SHANK2: variants seen among roughly 807,000 people sequenced by gnomAD.
SHANK2 encodes SH3 and multiple ankyrin repeat domains protein 2.
In SHANK2, 43 loss-of-function variants were observed where a neutral mutation model predicts 133.7. The observed-to-expected ratio is 0.32, with a 90% CI of 0.25 to 0.41. The LOEUF (loss-of-function observed/expected upper bound fraction) is 0.41, where lower values mean the gene tolerates loss of function less well. Ranked by LOEUF, SHANK2 falls within the 10% of genes least tolerant of loss-of-function variation. SHANK2 has a pLI of 1.00. For missense variants in SHANK2, 1,994 were observed against 2,235.8 expected, an observed-to-expected ratio of 0.89 and a Z score of 2.18; for synonymous variants, 1,017 against 952.8, an observed-to-expected ratio of 1.07 and a Z score of -1.24.
At chr11:70,954,408 C>T (rs906168697) in intron 10 of SHANK2, among the ~76,000 whole-genome samples, 1 of 152,226 alleles carries the variant, frequency 6.6e-6, no homozygotes, top group African/African-American at 2.4e-5. Flanking sequence ...CAGCCACTGG[C>T]AGAGTGCTCT....
intron 17 of SHANK2, among the ~76,000 whole-genome samples, chr11:70,572,022 C>T (rs547158821): frequency 2.0e-5 from 3 of 152,190 alleles, no homozygotes; most frequent in South Asian, 2.1e-4. Context: ...CCAGAGAGCT[C>T]GCTTCCACTT....
At chr11:70,631,844 A>T (rs1241584066) in intron 17 of SHANK2, 1 of 152,246 alleles carries the variant, frequency 6.6e-6, no homozygotes, top group African/African-American at 2.4e-5. Flanking sequence ...CTGCTGTGTA[A>T]TTGGATCACG....
rs1488303280 is a variant in SHANK2 at position 71,109,921 on chromosome 11, C to G, written c.592+20G>C. Reference sequence around the variant, plus strand: ...ACGCTTCCGTAAAGCCTGGTAAGGTCCCCTCTAGCAAGTGCTCACCTCCGG... The same window carrying G: ...ACGCTTCCGTAAAGCCTGGTAAGGTGCCCTCTAGCAAGTGCTCACCTCCGG... On this transcript the variant is annotated intron_variant, in intron 6 of 25. Transcript: ENST00000601538. 2 of 1,474,860 alleles carry G rather than the reference C, an allele frequency of 1.4e-6. No individual in the cohort carries two copies. Among genetic ancestry groups the G allele is most frequent in the Non-Finnish European group, 1.9e-6 (2 of 1,076,948 alleles). 91.4% of individuals were successfully genotyped at this position (1,474,860 alleles called of 1,614,324 possible). A position where few individuals can be genotyped will look rare whatever the true frequency, so the allele number is the denominator to read the frequency against.
chr11:70,755,779 C>T (rs564922371), intron 14 of SHANK2, among the ~76,000 whole-genome samples: 6 of 152,344 alleles, frequency 3.9e-5, no homozygotes, highest in African/African-American at 1.4e-4. Flanking sequence ...GGGAAGACAC[C>T]GCGCCAGCAG....
chr11:71,243,014 G>A (rs75941887), intron 1 of SHANK2, among the ~76,000 whole-genome samples: 3,606 of 152,310 alleles, frequency 0.024, 63 homozygotes, highest in Non-Finnish European at 0.035. Context: ...ACTTTGAAAC[G>A]AGTGAAAAAG....
chr11:70,469,560 C>A lies in SHANK2; in HGVS notation c.*3309G>T, dbSNP rs1591468080. ...TTATAAAGTCTAAAAAGAATAAAAG[C>A]ACAAAAGTAACAGCAACATAGATAA... On this transcript the variant is annotated 3_prime_UTR_variant, in exon 26 of 26. Coordinates refer to ENST00000601538, the MANE Select transcript of SHANK2 (RefSeq NM_012309.5). 6.7e-6 allele frequency: 1 copy of A among 148,242 alleles called. No individual in the cohort carries two copies. The highest frequency in any genetic ancestry group is 2.5e-5 in the African/African-American group (1 of 39,852). 9.2% of individuals were successfully genotyped at this position (148,242 alleles called of 1,614,324 possible). A position where few individuals can be genotyped will look rare whatever the true frequency, so the allele number is the denominator to read the frequency against.
At chr11:70,752,655 G>A (rs1490104686) in intron 14 of SHANK2, among the ~76,000 whole-genome samples, 3 of 141,200 alleles carry the variant, frequency 2.1e-5, no homozygotes, top group Admixed American at 7.4e-5. Flanking sequence ...GCAGTGAGCC[G>A]AAATCGCGCC....
chr11:70,507,755 T>G (rs1445771237), intron 17 of SHANK2, among the ~76,000 whole-genome samples: 3 of 152,202 alleles, frequency 2.0e-5, no homozygotes, highest in Non-Finnish European at 4.4e-5. Context: ...AATCTTGCAC[T>G]TAATATAGAA....
chr11:71,229,133 A>C (rs1426534095), intron 1 of SHANK2, among the ~76,000 whole-genome samples: 1 of 152,238 alleles, frequency 6.6e-6, no homozygotes. Flanking sequence ...AGATTCACCA[A>C]ATAAAAACAA....
chr11:70,813,411 C>T (rs761462971), intron 12 of SHANK2, among the ~76,000 whole-genome samples: 10 of 152,098 alleles, frequency 6.6e-5, no homozygotes, highest in Non-Finnish European at 1.0e-4. Flanking sequence ...AAGGCTGGAC[C>T]GGAGCAGACA....
At chr11:70,579,632 C>T (rs764087865) in intron 17 of SHANK2, among the ~76,000 whole-genome samples, 5 of 152,212 alleles carry the variant, frequency 3.3e-5, no homozygotes, top group South Asian at 2.1e-4. Flanking sequence ...CCAGGACCCC[C>T]GGTGTCCCCG....
intron 17 of SHANK2, among the ~76,000 whole-genome samples, chr11:70,607,878 A>G (rs2060600652): frequency 6.6e-6 from 1 of 152,220 alleles, no homozygotes; most frequent in South Asian, 2.1e-4. Context: ...TGTCTCTTGG[A>G]CAACATATAG....
chr11:70,868,612 G>A lies in SHANK2; in HGVS notation c.1174+27889C>T, dbSNP rs147939524. Reference sequence around the variant, plus strand: ...GTTCCAGAGTCCAGGCTCAGCCTATGGACTGAGCTGGGCCATGTCCACATC... The same window carrying A: ...GTTCCAGAGTCCAGGCTCAGCCTATAGACTGAGCTGGGCCATGTCCACATC... On this transcript the variant is annotated intron_variant, in intron 11 of 25. Transcript: ENST00000601538. Among the ~76,000 whole-genome samples, 1,072 of 152,302 alleles carry A rather than the reference G, an allele frequency of 7.0e-3. 15 individuals carry two copies. Among genetic ancestry groups the A allele is most frequent in the African/African-American group, 0.025 (1,041 of 41,580 alleles).
intron 6 of SHANK2, among the ~76,000 whole-genome samples, chr11:71,100,018 C>T (rs1951691804): frequency 6.7e-6 from 1 of 149,576 alleles, no homozygotes; most frequent in Admixed American, 6.7e-5. Flanking sequence ...CACTGCACTC[C>T]AGCCTGGGAG....
intron 2 of SHANK2, among the ~76,000 whole-genome samples, chr11:71,203,320 A>G (rs910572519): frequency 3.3e-5 from 5 of 152,350 alleles, no homozygotes; most frequent in African/African-American, 7.2e-5. Flanking sequence ...CCCCTATTTC[A>G]ACAAGAAAAC....
chr11:71,168,510 G>A (rs546141791), intron 2 of SHANK2, among the ~76,000 whole-genome samples: 159 of 151,944 alleles, frequency 1.0e-3, no homozygotes, highest in African/African-American at 3.7e-3. Flanking sequence ...CCGAGATCAC[G>A]CCACTGCACT....
At chr11:70,618,249 A>G (rs2060781094) in intron 17 of SHANK2, among the ~76,000 whole-genome samples, 2 of 150,636 alleles carry the variant, frequency 1.3e-5, no homozygotes, top group African/African-American at 2.4e-5. Flanking sequence ...AGCCAAGATC[A>G]CACCACTGCA....
At chr11:71,071,406 C>T (rs1217679406) in intron 9 of SHANK2, among the ~76,000 whole-genome samples, 18 of 152,346 alleles carry the variant, frequency 1.2e-4, no homozygotes, top group African/African-American at 2.4e-4. Context: ...GCCACCCAAC[C>T]GCAGCTATGA....
rs186620612 is a variant in SHANK2, at chr11:71,154,561, G to A, written c.-12-7223C>T. On this transcript the variant is annotated intron_variant, in intron 2 of 25. Coordinates refer to ENST00000601538, the MANE Select transcript of SHANK2 (RefSeq NM_012309.5). ...AGAAGGAGCTAGAACACAACACATG[G>A]GGGCCCTGGCCAAGGGGGTGGACTG... Among the ~76,000 whole-genome samples, 447 of 152,334 alleles carry A rather than the reference G, an allele frequency of 2.9e-3. 3 individuals are homozygous for A. Among genetic ancestry groups the A allele is most frequent in the African/African-American group, 9.3e-3 (387 of 41,568 alleles).
Sources: allele counts gnomAD v4.1 joint callset (sites outside exome capture counted in the v4.1 genomes callset), GRCh38; gene constraint gnomAD v4.1.1; transcripts MANE v1.5; gene names NCBI Gene and HGNC (gene_info 2026-07-23, HGNC 2026-07-21).